CNTN5: variants seen among roughly 807,000 people sequenced by gnomAD.
CNTN5 encodes the protein contactin-5.
CNTN5 carries 77 observed loss-of-function variants against 129.1 expected under a neutral mutation model. The observed-to-expected ratio is 0.60, with a 90% CI of 0.50 to 0.72. The LOEUF (loss-of-function observed/expected upper bound fraction) is 0.72, where lower values mean the gene tolerates loss of function less well. Among genes scored for constraint, CNTN5 ranks in the 30% least tolerant of loss-of-function variants. CNTN5 has a pLI of 0.00. For missense variants in CNTN5, 1,478 were observed against 1,328.8 expected, an observed-to-expected ratio of 1.11 and a Z score of -1.75; for synonymous variants, 509 against 465.6, an observed-to-expected ratio of 1.09 and a Z score of -1.20.
intron 2 of CNTN5, among the ~76,000 whole-genome samples, chr11:99,388,600 A>G (rs1214540385): frequency 6.6e-6 from 1 of 152,146 alleles, no homozygotes; most frequent in Non-Finnish European, 1.5e-5. Context: ...GCCCATTGAA[A>G]TCAGACTGCT....
At chr11:99,960,308 G>A (rs915538089) in intron 8 of CNTN5, among the ~76,000 whole-genome samples, 10 of 151,940 alleles carry the variant, frequency 6.6e-5, no homozygotes, top group African/African-American at 1.9e-4. Context: ...CATGAAATGA[G>A]GATCATTTTA....
intron 18 of CNTN5, among the ~76,000 whole-genome samples, chr11:100,272,630 A>T (rs1448021406): frequency 6.6e-6 from 1 of 152,148 alleles, no homozygotes. Context: ...CTCCTAACAG[A>T]TCTTCACAGG....
At chr11:100,194,308 A>C (rs2138517353) in intron 15 of CNTN5, among the ~76,000 whole-genome samples, 1 of 152,080 alleles carries the variant, frequency 6.6e-6, no homozygotes, top group East Asian at 1.9e-4. Context: ...ACATGGACTT[A>C]TTTAAAATGT....
intron 6 of CNTN5, 40 bp downstream of exon 6, chr11:99,845,302 G>A (rs201502753): frequency 1.4e-5 from 16 of 1,183,666 alleles, no homozygotes; most frequent in Non-Finnish European, 1.8e-5. Flanking sequence ...TATGTATATA[G>A]TGTGTATATA....
intron 15 of CNTN5, among the ~76,000 whole-genome samples, chr11:100,206,870 T>C (rs1948924710): frequency 6.6e-6 from 1 of 152,016 alleles, no homozygotes; most frequent in Non-Finnish European, 1.5e-5. Context: ...CTAAACAAAA[T>C]ATATATTAAA....
intron 1 of CNTN5, among the ~76,000 whole-genome samples, chr11:99,314,197 G>A (rs1172554539): frequency 6.6e-6 from 1 of 151,946 alleles, no homozygotes; most frequent in Admixed American, 6.6e-5. Context: ...AAAAAATTAT[G>A]CCATGTAAAT....
At chr11:99,394,641 C>T (rs1242772409) in intron 2 of CNTN5, among the ~76,000 whole-genome samples, 2 of 151,428 alleles carry the variant, frequency 1.3e-5, no homozygotes, top group African/African-American at 4.8e-5. Context: ...TTTCATCACC[C>T]AGGTATTAAG....
intron 3 of CNTN5, among the ~76,000 whole-genome samples, chr11:99,577,704 A>T (rs1245379823): frequency 6.6e-6 from 1 of 152,120 alleles, no homozygotes; most frequent in Non-Finnish European, 1.5e-5. Flanking sequence ...ATTACCATAG[A>T]CATATATATT....
intron 2 of CNTN5, among the ~76,000 whole-genome samples, chr11:99,474,739 A>C (rs903579289): frequency 1.3e-5 from 2 of 152,114 alleles, no homozygotes; most frequent in Non-Finnish European, 1.5e-5. Context: ...TTTTCAAATA[A>C]ATCTTAAAAG....
chr11:99,514,098 G>C (rs1191056594), intron 2 of CNTN5, among the ~76,000 whole-genome samples: 1 of 152,068 alleles, frequency 6.6e-6, no homozygotes, highest in Non-Finnish European at 1.5e-5. Flanking sequence ...AACCCTCATG[G>C]ATGAATTTTA....
At chr11:99,986,180 G>A (rs1004080824) in intron 8 of CNTN5, among the ~76,000 whole-genome samples, 1 of 151,872 alleles carries the variant, frequency 6.6e-6, no homozygotes, top group Non-Finnish European at 1.5e-5. Flanking sequence ...AGATTACATA[G>A]TCACTTATTG....
At chr11:99,762,947 G>A (rs1046420435) in intron 3 of CNTN5, among the ~76,000 whole-genome samples, 6 of 152,030 alleles carry the variant, frequency 3.9e-5, no homozygotes, top group Non-Finnish European at 5.9e-5. Flanking sequence ...ATTCCCCATT[G>A]AGTCTCCCTA....
rs567232677 is a variant in CNTN5, at chr11:99,041,696, A to T, written c.-210+20426A>T. Among the ~76,000 whole-genome samples the T allele has an allele frequency of 3.9e-5, 6 of 152,314 alleles. No homozygotes were observed. In the South Asian group the frequency reaches 8.3e-4, roughly 21 times the overall value. ...ATAATAGCAATAAAGAGCATGCCCC[A>T]ATCTTTTAGTTCAACACAGAAAGGT... On this transcript the variant is annotated intron_variant, in intron 1 of 24. Transcript: ENST00000524871.
At chr11:100,021,724 G>A (rs911938373) in intron 9 of CNTN5, among the ~76,000 whole-genome samples, 6 of 152,200 alleles carry the variant, frequency 3.9e-5, no homozygotes, top group Non-Finnish European at 8.8e-5. Context: ...ACAAGGTGAA[G>A]TCCCACAGTA....
intron 16 of CNTN5, among the ~76,000 whole-genome samples, chr11:100,226,889 C>G (rs1949386199): frequency 6.6e-6 from 1 of 152,032 alleles, no homozygotes; most frequent in Non-Finnish European, 1.5e-5. Context: ...TCCCTTCTCA[C>G]ACTCCTCCAT....
chr11:99,377,200 A>G (rs963479775), intron 2 of CNTN5, among the ~76,000 whole-genome samples: 2 of 152,162 alleles, frequency 1.3e-5, no homozygotes, highest in African/African-American at 4.8e-5. Flanking sequence ...TTGGTAAAAA[A>G]GAAAAAAAAG....
At chr11:100,002,302 A>G (rs1939926063) in intron 9 of CNTN5, among the ~76,000 whole-genome samples, 166 bp downstream of exon 9, 2 of 151,660 alleles carry the variant, frequency 1.3e-5, no homozygotes, top group South Asian at 4.1e-4. Flanking sequence ...AATCAGTTAC[A>G]GTTATCTTCT....
At chr11:100,253,494 G>A (rs1011850444) in intron 16 of CNTN5, among the ~76,000 whole-genome samples, 1 of 152,086 alleles carries the variant, frequency 6.6e-6, no homozygotes, top group African/African-American at 2.4e-5. Context: ...CAGTGACGAA[G>A]AAGTAAATGA....
chr11:99,676,504 G>A (rs556787925), intron 3 of CNTN5, among the ~76,000 whole-genome samples: 90 of 152,298 alleles, frequency 5.9e-4, no homozygotes, highest in Admixed American at 9.2e-4. Flanking sequence ...TGCAGTCACT[G>A]CATGGTGTTC....
Sources: allele counts gnomAD v4.1 joint callset (sites outside exome capture counted in the v4.1 genomes callset), GRCh38; gene constraint gnomAD v4.1.1; transcripts MANE v1.5; gene names NCBI Gene and HGNC (gene_info 2026-07-23, HGNC 2026-07-21).